The following NIN variants were observed in gnomAD, a reference collection of about 807,000 sequenced individuals.
The protein encoded by NIN is ninein.
A neutral mutation model predicts 257.6 loss-of-function variants in NIN; 137 were observed. The observed-to-expected ratio is 0.53, with a 90% CI of 0.46 to 0.61. NIN has a LOEUF of 0.61. NIN is among the 20% of genes least tolerant of loss of function. The probability of loss-of-function intolerance (pLI) is 0.00; values close to 1 mark genes in which losing one functional copy is unlikely to be tolerated. For missense variants in NIN, 2,439 were observed against 2,501.2 expected (o/e 0.98, Z 0.53); for synonymous variants, 918 against 919.8 (o/e 1.00, Z 0.04).
At position 50,729,381 on chromosome 14, in the gene NIN, C is replaced by G. The variant is rs1025773316; in HGVS notation, c.6078+142G>C. 4.1e-6 allele frequency: 3 copies of G among 733,296 alleles called. No individual in the cohort carries two copies. The African/African-American group carries it at 5.4e-5, about 13-fold the overall frequency. The allele number at this position is 733,296 out of a possible 1,614,324, so 45.4% of individuals were successfully genotyped here. On this transcript the variant is annotated intron_variant, in intron 29 of 30. Coordinates refer to ENST00000530997, the MANE Select transcript of NIN (RefSeq NM_020921.4). ...AACCTCTGGCCTCAAGCGATCCTCC[C>G]GTCTCAGCCTCCCAAGTAGCTGGGA...
intron 5 of NIN, among the ~76,000 whole-genome samples, chr14:50,785,945 G>T (rs144207912): frequency 2.6e-5 from 4 of 152,202 alleles, no homozygotes; most frequent in Non-Finnish European, 4.4e-5. Flanking sequence ...GGGTTGTCAC[G>T]ACCAGAATGC....
chr14:50,789,773 G>C (rs1349420201), intron 5 of NIN, among the ~76,000 whole-genome samples: 1 of 152,192 alleles, frequency 6.6e-6, no homozygotes, highest in Non-Finnish European at 1.5e-5. Context: ...AAGGGACAGA[G>C]GTTTCCAGAG....
chr14:50,801,085 G>A (rs1420739514), intron 4 of NIN, among the ~76,000 whole-genome samples: 4 of 105,536 alleles, frequency 3.8e-5, no homozygotes, highest in Non-Finnish European at 7.2e-5. Context: ...CACTGCGCCC[G>A]GCTTTTTTTT....
chr14:50,756,932 G>T lies in NIN; in HGVS notation c.4098C>A (p.Leu1366=). ...GCACACACTCTTCCAGTGTCTGATT[G>T]AGCTGGAGTATATTTCCATCAGGTT... ...EIEPDGNILQ[L]NQTLEECVPR... The change falls in exon 18 of 31, where the codon CTC becomes CTA. Residue 1366 remains leucine (L), a synonymous_variant. Coordinates refer to ENST00000530997, the MANE Select transcript of NIN (RefSeq NM_020921.4). 1 of 1,576,816 alleles carries T rather than the reference G, an allele frequency of 6.3e-7. No homozygotes were observed. The highest frequency in any genetic ancestry group is 1.4e-5 in the African/African-American group (1 of 73,970).
At chr14:50,749,565 A>G (rs1566801048) in intron 21 of NIN, among the ~76,000 whole-genome samples, 2 of 152,122 alleles carry the variant, frequency 1.3e-5, no homozygotes, top group East Asian at 1.9e-4. Flanking sequence ...TACAACTATT[A>G]TTACTGGGGT....
intron 3 of NIN, among the ~76,000 whole-genome samples, chr14:50,814,726 A>T (rs2044799554): frequency 6.6e-6 from 1 of 152,216 alleles, no homozygotes; most frequent in South Asian, 2.1e-4. Context: ...GAAAACTCAG[A>T]AATAAGACTG....
chr14:50,754,790 A>T lies in NIN; in HGVS notation c.4616T>A (p.Ile1539Asn), dbSNP rs2041950451. 6.3e-7 allele frequency: 1 copy of T among 1,585,828 alleles called. No individual in the cohort carries two copies. Among genetic ancestry groups the T allele is most frequent in the Non-Finnish European group, 8.6e-7 (1 of 1,162,192 alleles). The change falls in exon 19 of 31, where the codon ATT becomes AAT. Residue 1539 changes from isoleucine to asparagine, a missense_variant. By Grantham distance (149) the Ile-to-Asn change is moderately radical. Transcript: ENST00000530997. ...TAATGTCCCTAATTTCAGGTTAGAAATGCTATCTTCTTCATTTAAAGTAGT... is the reference window on the plus strand; with the variant it reads ...TAATGTCCCTAATTTCAGGTTAGAATTGCTATCTTCTTCATTTAAAGTAGT... ...EITTLNEEDSISNLKLGTLNG... is the reference protein window; with the variant it reads ...EITTLNEEDSNSNLKLGTLNG...
At chr14:50,765,845 T>TTTG (rs1488462470) in intron 14 of NIN, among the ~76,000 whole-genome samples, 6 of 150,238 alleles carry the variant, frequency 4.0e-5, no homozygotes, top group South Asian at 2.1e-4. Context: ...ACATTTATGT[T>TTTG]TTTTTTTTTT....
rs2043656553 is a variant in NIN at position 50,792,761 on chromosome 14, A to G, written c.386T>C (p.Leu129Pro). 6.2e-7 allele frequency: 1 copy of G among 1,614,064 alleles called. No individual in the cohort carries two copies. The highest frequency in any genetic ancestry group is 8.5e-7 in the Non-Finnish European group (1 of 1,180,050). The part of the protein sequence containing the change: ...EFPEVTVIEP[L>P]DEEARPSHIP... ...GTGTGAAGGCCGCGCTTCTTCATCCAGTGGCTCAATCACCGTCACTTCAGG... is the reference window on the plus strand; with the variant it reads ...GTGTGAAGGCCGCGCTTCTTCATCCGGTGGCTCAATCACCGTCACTTCAGG... The change falls in exon 5 of 31, where the codon CTG becomes CCG. Residue 129 changes from leucine to proline, a missense_variant. Coordinates refer to ENST00000530997, the MANE Select transcript of NIN (RefSeq NM_020921.4).
chr14:50,763,728 C>G, intron 15 of NIN, 98 bp downstream of exon 15: 9 of 734,606 alleles, frequency 1.2e-5, no homozygotes, highest in Non-Finnish European at 1.3e-5. Context: ...TTTTTTTTTT[C>G]TTTTTTCAAG....
Position 50,743,452 on chromosome 14 carries a change from C to G in NIN, c.5265G>C (p.Ala1755=), listed in dbSNP as rs745970708. The change falls in exon 24 of 31, where the codon GCG becomes GCC. Residue 1755 remains alanine (A), a synonymous_variant. Coordinates refer to ENST00000530997, the MANE Select transcript of NIN (RefSeq NM_020921.4). ...QEQKSWEHQS[A]SLKSQLVASQ... ...AAGCCACCAGCTGTGACTTTAAGCT[C>G]GCACTCTGATGTTCCCAGGATTTCT... The G allele has an allele frequency of 6.2e-7, 1 of 1,613,694 alleles. No homozygotes were observed. The highest frequency in any genetic ancestry group is 2.2e-5 in the East Asian group (1 of 44,882).
At position 50,761,844 on chromosome 14, in the gene NIN, C is replaced by G; in HGVS notation, c.1842G>C (p.Met614Ile). 1 of 1,614,166 alleles carries G rather than the reference C, an allele frequency of 6.2e-7. No homozygotes were observed. Among genetic ancestry groups the G allele is most frequent in the Middle Eastern group, 1.6e-4 (1 of 6,062 alleles). The change falls in exon 16 of 31, where the codon ATG (methionine) becomes ATC (isoleucine). Residue 614 changes from methionine to isoleucine, a missense_variant. By Grantham distance (10) the Met-to-Ile change is conservative. This residue lies in a region of NIN where 2,043 missense variants were observed against 2,050.2 expected (regional missense o/e 1.00). Coordinates refer to ENST00000530997, the MANE Select transcript of NIN (RefSeq NM_020921.4). ...SIEAELVIEQMKEQHHRDICC... is the reference protein window; with the variant it reads ...SIEAELVIEQIKEQHHRDICC... ...ATATGTCCCTGTGATGTTGTTCTTT[C>G]ATCTGTTCAATGACCAGCTCTGCCT...
chr14:50,726,222 T>A, intron 29 of NIN, 156 bp from the exon 30 acceptor site: 1 of 609,968 alleles, frequency 1.6e-6, no homozygotes, highest in Non-Finnish European at 2.9e-6. Flanking sequence ...GAGCCCTGCA[T>A]GGATTGCATA....
chr14:50,722,783 G>C lies in NIN; in HGVS notation c.*680C>G, dbSNP rs1300495944. On this transcript the variant is annotated 3_prime_UTR_variant, in exon 31 of 31. Transcript: ENST00000530997. The stretch of plus-strand genomic sequence containing the variant: ...AAACTTTTAAGAGAAAGAAGAAAAG[G>C]CTGTTTAAAGCAAGTAAGCTTTTAA... 1 of 210,958 alleles carries C rather than the reference G, an allele frequency of 4.7e-6. No homozygotes were observed. Among genetic ancestry groups the C allele is most frequent in the African/African-American group, 2.3e-5 (1 of 44,202 alleles). 13.1% of individuals were successfully genotyped at this position (210,958 alleles called of 1,614,324 possible). A position where few individuals can be genotyped will look rare whatever the true frequency, so the allele number is the denominator to read the frequency against.
rs764807162 is a variant in NIN at position 50,760,187 on chromosome 14, T to A, written c.2069A>T (p.His690Leu). The A allele has an allele frequency of 6.2e-7, 1 of 1,614,106 alleles. No homozygotes were observed. ...CTCATGCCTGCAAGTGGCCTCATGA[T>A]GTGCCTCCTTGAGCACTGCTGCTTG... ...QGQAAVLKEA[H>L]HEATCRHEEE... The change falls in exon 17 of 31, where the codon CAT becomes CTT. Residue 690 changes from histidine (H) to leucine (L), a missense_variant. By Grantham distance (99) the His-to-Leu change is moderately conservative (BLOSUM62 -3). Around this residue, in one of 3 missense-constraint regions of NIN, gnomAD observed 2,043 missense variants for 2,050.2 expected, o/e 1.00. Transcript: ENST00000530997.
chr14:50,729,336 C>T (rs564208854), intron 29 of NIN, among the ~76,000 whole-genome samples, 187 bp downstream of exon 29: 2 of 151,402 alleles, frequency 1.3e-5, no homozygotes, highest in South Asian at 4.2e-4. Context: ...CACACATGAT[C>T]GTAGCTCACT....
At position 50,726,050 on chromosome 14, in the gene NIN, AG is replaced by A. The variant is rs757543688; in HGVS notation, c.6094del (p.Leu2032TrpfsTer2). 19 of 1,613,066 alleles carry A rather than the reference AG, an allele frequency of 1.2e-5. No homozygotes were observed. Among genetic ancestry groups the A allele is most frequent in the Non-Finnish European group, 1.5e-5 (18 of 1,179,280 alleles). On this transcript the variant is annotated frameshift_variant, in exon 30 of 31. Transcript: ENST00000530997. LOFTEE classifies it high-confidence loss of function. ...TNTPQGNQEQLVTVMEERMIE... is the reference protein window; with the variant it reads ...TNTPQGNQEQXVTVMEERMIE... ...CATTCGTTCCTCCATGACAGTTACC[AG>A]TTGTTCCTGGTTTCCCTGAAGGGAA...
Position 50,758,370 on chromosome 14 carries a change from G to A in NIN, c.2660C>T (p.Ser887Phe). ...KETLKREKTTSLVLTQEREML... is the reference protein window; with the variant it reads ...KETLKREKTTFLVLTQEREML... ...CTCTCTCTCCTGGGTCAGGACCAGAGAAGTTGTTTTCTCTCTCTTAAGAGT... is the reference window on the plus strand; with the variant it reads ...CTCTCTCTCCTGGGTCAGGACCAGAAAAGTTGTTTTCTCTCTCTTAAGAGT... The change falls in exon 18 of 31, where the codon TCT becomes TTT. Residue 887 changes from serine to phenylalanine, a missense_variant. Around this residue, in one of 3 missense-constraint regions of NIN, gnomAD observed 2,043 missense variants for 2,050.2 expected, o/e 1.00. Coordinates refer to ENST00000530997, the MANE Select transcript of NIN (RefSeq NM_020921.4). 1 of 1,614,242 alleles carries A rather than the reference G, an allele frequency of 6.2e-7. No individual in the cohort carries two copies.
chr14:50,743,556 A>G (rs781748976), intron 23 of NIN, 27 bp from the exon 24 acceptor site: 23 of 1,475,252 alleles, frequency 1.6e-5, no homozygotes, highest in Non-Finnish European at 2.1e-5. Context: ...AAAAGAGGTA[A>G]GAGGGCATTT....
Sources: gnomAD v4.1 joint callset for allele counts (sites outside exome capture counted in the v4.1 genomes callset) on GRCh38, gnomAD v4.1.1 for gene constraint, gnomAD v4.1.1 regional missense constraint, MANE v1.5 for transcripts, NCBI Gene and HGNC (gene_info 2026-07-23, HGNC 2026-07-21) for gene names.